The following HCN2 variants were observed in gnomAD, a reference collection of about 807,000 sequenced individuals.
HCN2 encodes potassium/sodium hyperpolarization-activated cyclic nucleotide-gated channel 2.
Under a neutral mutation model 52.3 loss-of-function variants are expected in HCN2, and 20 were observed. The observed-to-expected ratio is 0.38, with a 90% CI of 0.27 to 0.56. HCN2 has a LOEUF of 0.56. HCN2 is among the 20% of genes least tolerant of loss of function. HCN2 has a pLI of 0.71. For synonymous variants in HCN2, 694 were observed against 537.0 expected (o/e 1.29, Z -4.04); for missense variants, 981 against 1,207.7 (o/e 0.81, Z 2.78).
chr19:613,362 C>T lies in HCN2; in HGVS notation c.1699C>T (p.Pro567Ser), dbSNP rs781281786. 2 of 1,613,050 alleles carry T rather than the reference C, an allele frequency of 1.2e-6. No homozygotes were observed. Among genetic ancestry groups the T allele is most frequent in the African/African-American group, 1.3e-5 (1 of 74,960 alleles). Residue 567 changes from proline (P) to serine (S), a missense_variant, in exon 6 of 8, where the codon CCG (proline) becomes TCG (serine). Pro to Ser is a moderately conservative substitution (Grantham distance 74). Coordinates refer to ENST00000251287, the MANE Select transcript of HCN2 (RefSeq NM_001194.4). ...LTKLKFEVFQ[P>S]GDYIIREGTI... ...CAAGCTCAAGTTCGAGGTCTTCCAGCCGGGTGACTACATCATCCGCGAAGG... is the reference window on the plus strand; with the variant it reads ...CAAGCTCAAGTTCGAGGTCTTCCAGTCGGGTGACTACATCATCCGCGAAGG...
intron 4 of HCN2, 78 bp downstream of exon 4, chr19:608,260 CCAGGCCCTGGGGTCTGATGGAGGGAGG>C (rs1983489955): frequency 7.4e-7 from 1 of 1,357,936 alleles, no homozygotes. Context: ...GAGAGTCAGG[CCAGGCCCTGGGGTCTGATGGAGGGAGG>C]CAGGCCCGGT....
At chr19:596,575 C>T (rs1290716362) in intron 1 of HCN2, among the ~76,000 whole-genome samples, 1 of 152,204 alleles carries the variant, frequency 6.6e-6, no homozygotes, top group Non-Finnish European at 1.5e-5. Flanking sequence ...GTTTTAAATA[C>T]AGGATTTAAT....
At position 616,219 on chromosome 19, in the gene HCN2, G is replaced by C; in HGVS notation, c.2415G>C (p.Gly805=). ...YGGLPAAPLA[G]PALPARRLSR... ...GCCTGCCCGCCGCCCCCCTTGCTGGGCCCGCCCTGCCCGCGCGCCGCCTGA... is the reference window on the plus strand; with the variant it reads ...GCCTGCCCGCCGCCCCCCTTGCTGGCCCCGCCCTGCCCGCGCGCCGCCTGA... Residue 805 remains glycine (G), a synonymous_variant, in exon 8 of 8, where the codon GGG becomes GGC. Transcript: ENST00000251287. 1 of 989,626 alleles carries C rather than the reference G, an allele frequency of 1.0e-6. No individual in the cohort carries two copies. The highest frequency in any genetic ancestry group is 1.2e-6 in the Non-Finnish European group (1 of 834,760). 61.3% of individuals were successfully genotyped at this position (989,626 alleles called of 1,614,324 possible).
chr19:594,108 T>C (rs1600516030), intron 1 of HCN2, among the ~76,000 whole-genome samples: 1 of 148,324 alleles, frequency 6.7e-6, no homozygotes, highest in Non-Finnish European at 1.5e-5. Flanking sequence ...GGCTGGAGGG[T>C]GTCTCCGCAG....
At chr19:593,342 T>C (rs1019869679) in intron 1 of HCN2, among the ~76,000 whole-genome samples, 3 of 152,136 alleles carry the variant, frequency 2.0e-5, no homozygotes, top group Non-Finnish European at 4.4e-5. Context: ...GGTGCCAGGG[T>C]GCAGCGGCTC....
chr19:590,660 AG>A lies in HCN2; in HGVS notation c.632+86del. ...GGAGCCGTCCTTGGAGCGCCTGGGGAGGGCGGGGCGGCGCGCCGGGCCGGTG... is the reference window on the plus strand; with the variant it reads ...GGAGCCGTCCTTGGAGCGCCTGGGGAGGCGGGGCGGCGCGCCGGGCCGGTG... On this transcript the variant is annotated intron_variant, in intron 1 of 7. Transcript: ENST00000251287. The surrounding 1 kb of genome is among the most constrained non-coding windows in gnomAD (Gnocchi z 7.2). 9.1e-7 allele frequency: 1 copy of A among 1,094,378 alleles called. No individual in the cohort carries two copies. 67.8% of individuals were successfully genotyped at this position (1,094,378 alleles called of 1,614,324 possible).
chr19:613,608 CGGGGAT>C (rs1211883953), intron 6 of HCN2, 120 bp downstream of exon 6: 1,845 of 68,790 alleles, frequency 0.027, 192 homozygotes, highest in African/African-American at 0.07. Context: ...GGGATGGGGC[CGGGGAT>C]GGGGATGGGG....
rs537523115 is a variant in HCN2, at chr19:591,872, T to G, written c.632+1295T>G. On this transcript the variant is annotated intron_variant, in intron 1 of 7. Transcript: ENST00000251287. This position sits in a 1 kb window ranked among gnomAD's most constrained non-coding sequence, Gnocchi z 4.1. ...TGGAGAAACTGAGGCCTGGGGCACA[T>G]GCGTCCTGGACAGAGCCTGGAGGAA... Among the ~76,000 whole-genome samples, 10 of 152,258 alleles carry G rather than the reference T, an allele frequency of 6.6e-5. No individual in the cohort carries two copies. In the South Asian group the frequency reaches 2.1e-3, roughly 32 times the overall value.
chr19:612,427 T>TGTGTGTGTGTGTGAGAGAGAGAGA, intron 5 of HCN2, among the ~76,000 whole-genome samples: 3 of 142,256 alleles, frequency 2.1e-5, no homozygotes, highest in African/African-American at 7.9e-5. Context: ...TGTGTGTGTG[T>TGTGTGTGTGTGTGAGAGAGAGAGA]GAGAGAGAGA....
chr19:599,340 C>T (rs1315385910), intron 1 of HCN2, among the ~76,000 whole-genome samples: 4 of 152,206 alleles, frequency 2.6e-5, no homozygotes, highest in East Asian at 1.9e-4. Context: ...ACAAAGGTCC[C>T]GGCGGCCACG....
chr19:595,937 G>GAGGGC (rs968404600), intron 1 of HCN2, among the ~76,000 whole-genome samples: 5 of 152,160 alleles, frequency 3.3e-5, no homozygotes, highest in African/African-American at 1.2e-4. Context: ...CTCCTGCGGG[G>GAGGGC]AGGGCCTGGC....
chr19:615,763 C>T (rs777859119), intron 7 of HCN2, 32 bp from the exon 8 acceptor site: 5 of 1,606,644 alleles, frequency 3.1e-6, no homozygotes, highest in South Asian at 2.2e-5. Context: ...CAGGCGCTCC[C>T]TGTGCACACG....
In HCN2 at chr19:616,278, C is replaced by T; in HGVS notation, c.2474C>T (p.Pro825Leu). The T allele has an allele frequency of 1.9e-6, 2 of 1,058,656 alleles. No individual in the cohort carries two copies. The highest frequency in any genetic ancestry group is 2.3e-6 in the Non-Finnish European group (2 of 879,380). The allele number at this position is 1,058,656 out of a possible 1,614,324, so 65.6% of individuals were successfully genotyped here. The change falls in exon 8 of 8, where the codon CCC (proline) becomes CTC (leucine). Residue 825 changes from proline to leucine, a missense_variant. Physicochemically the swap from Pro to Leu is moderately conservative, Grantham distance 98. Coordinates refer to ENST00000251287, the MANE Select transcript of HCN2 (RefSeq NM_001194.4). ...TCGCGCCCACTGTCCGCCTCGCAGC[C>T]CTCGCTGCCTCACGGCGCCCCCGGC... is the stretch of plus-strand genomic sequence containing the variant. ...RASRPLSASQ[P>L]SLPHGAPGPA...
Position 605,049 on chromosome 19 carries a change from G to A in HCN2, c.1057-12G>A, listed in dbSNP as rs370504123. The A allele has an allele frequency of 1.9e-4, 304 of 1,605,742 alleles. No homozygotes were observed. Among genetic ancestry groups the A allele is most frequent in the African/African-American group, 1.6e-3 (120 of 74,758 alleles). On this transcript the variant is annotated splice_polypyrimidine_tract_variant and intron_variant, in intron 2 of 7. Coordinates refer to ENST00000251287, the MANE Select transcript of HCN2 (RefSeq NM_001194.4). ...TCAGCGGGTAGGGTGGGCTCACGGC[G>A]CCTTCCTGCAGATCTTCCACATGAC... is the stretch of plus-strand genomic sequence containing the variant.
rs377739166 is a variant in HCN2 at position 615,708 on chromosome 19, C to T, written c.1991-87C>T. 36 of 1,314,852 alleles carry T rather than the reference C, an allele frequency of 2.7e-5. No individual in the cohort carries two copies. In the East Asian group the frequency reaches 4.0e-4, roughly 14 times the overall value. The allele number at this position is 1,314,852 out of a possible 1,614,324, so 81.4% of individuals were successfully genotyped here. A position where few individuals can be genotyped will look rare whatever the true frequency, so the allele number is the denominator to read the frequency against. ...TGCTCTACACGGCAAGCACTGTGTG[C>T]GCACCCGCGGTGCAGAGTAGGTGCT... On this transcript the variant is annotated intron_variant, in intron 7 of 7. Coordinates refer to ENST00000251287, the MANE Select transcript of HCN2 (RefSeq NM_001194.4).
At chr19:593,769 G>A (rs911790195) in intron 1 of HCN2, among the ~76,000 whole-genome samples, 1 of 152,172 alleles carries the variant, frequency 6.6e-6, no homozygotes, top group Non-Finnish European at 1.5e-5. Flanking sequence ...GCAAGTTCAA[G>A]GACCCAAGTT....
intron 1 of HCN2, among the ~76,000 whole-genome samples, chr19:601,605 G>A (rs999572672): frequency 1.3e-4 from 19 of 150,862 alleles, no homozygotes; most frequent in Non-Finnish European, 2.1e-4. Context: ...TGAACACGGC[G>A]GGGTGCTCGT....
Position 590,516 on chromosome 19 carries a change from C to A in HCN2, c.571C>A (p.Arg191Ser). 6.6e-7 allele frequency: 1 copy of A among 1,517,818 alleles called. No individual in the cohort carries two copies. 94.0% of individuals were successfully genotyped at this position (1,517,818 alleles called of 1,614,324 possible). ...GTTCGGCAGCCAGAAGGCCGTGGAG[C>A]GCGAGCAGGAGCGCGTCAAGTCGGC... ...RMFGSQKAVEREQERVKSAGA... is the reference protein window; with the variant it reads ...RMFGSQKAVESEQERVKSAGA... Residue 191 changes from arginine (R) to serine (S), a missense_variant, in exon 1 of 8, where the codon CGC (arginine) becomes AGC (serine). Coordinates refer to ENST00000251287, the MANE Select transcript of HCN2 (RefSeq NM_001194.4). The surrounding 1 kb of genome is among the most constrained non-coding windows in gnomAD (Gnocchi z 7.2).
intron 6 of HCN2, 123 bp from the exon 7 acceptor site, chr19:613,729 A>T: frequency 3.7e-6 from 3 of 821,120 alleles, no homozygotes; most frequent in Non-Finnish European, 3.2e-6. Context: ...GGCCGGCACC[A>T]GGGAGAGCCT....
Sources: gnomAD v4.1 joint callset for allele counts (sites outside exome capture counted in the v4.1 genomes callset) on GRCh38, gnomAD v4.1.1 for gene constraint, Gnocchi (gnomAD v3.1) non-coding constraint, MANE v1.5 for transcripts, NCBI Gene and HGNC (gene_info 2026-07-23, HGNC 2026-07-21) for gene names.